Variants in HSDL2 observed in about 807,000 individuals in gnomAD.
HSDL2 encodes the protein hydroxysteroid dehydrogenase-like protein 2.
Under a neutral mutation model 46.3 loss-of-function variants are expected in HSDL2, and 27 were observed. The ratio of observed to expected loss-of-function variants is 0.58; its 90% confidence interval spans 0.43 to 0.80. The LOEUF (loss-of-function observed/expected upper bound fraction) is 0.80, where lower values mean the gene tolerates loss of function less well. Ranked by LOEUF, HSDL2 falls within the 30% of genes least tolerant of loss-of-function variation. The probability of loss-of-function intolerance (pLI) is 0.00; values close to 1 mark genes in which losing one functional copy is unlikely to be tolerated. For missense variants in HSDL2, 451 were observed against 502.7 expected (o/e 0.90, Z 0.98); for synonymous variants, 153 against 163.6 (o/e 0.94, Z 0.50).
intron 1 of HSDL2, 84 bp downstream of exon 1, chr9:112,380,264 G>A (rs1404165525): frequency 3.6e-6 from 5 of 1,385,460 alleles, no homozygotes; most frequent in Non-Finnish European, 3.9e-6. Flanking sequence ...CGCCCGGGCT[G>A]GCCGGCCCGG....
intron 1 of HSDL2, among the ~76,000 whole-genome samples, chr9:112,392,905 A>G (rs1300938328): frequency 1.3e-5 from 2 of 152,212 alleles, no homozygotes; most frequent in Non-Finnish European, 2.9e-5. Flanking sequence ...GAACTGATAA[A>G]TGTCCATGAA....
At chr9:112,447,945 T>C (rs1832788545) in intron 8 of HSDL2, among the ~76,000 whole-genome samples, 1 of 152,200 alleles carries the variant, frequency 6.6e-6, no homozygotes, top group Non-Finnish European at 1.5e-5. Flanking sequence ...CATCTAATAG[T>C]TTTTGAGAGA....
chr9:112,393,816 T>C (rs1337174836), intron 1 of HSDL2, among the ~76,000 whole-genome samples: 1 of 152,210 alleles, frequency 6.6e-6, no homozygotes, highest in African/African-American at 2.4e-5. Context: ...AGTGCATAAA[T>C]GACAATGTAT....
At chr9:112,415,992 C>G (rs1267565834) in intron 4 of HSDL2, among the ~76,000 whole-genome samples, 1 of 151,918 alleles carries the variant, frequency 6.6e-6, no homozygotes, top group African/African-American at 2.4e-5. Context: ...CCTTGTAGTC[C>G]CAGCTACTCA....
At chr9:112,400,662 C>G (rs938763268) in intron 1 of HSDL2, among the ~76,000 whole-genome samples, 8 of 152,190 alleles carry the variant, frequency 5.3e-5, no homozygotes, top group Non-Finnish European at 8.8e-5. Context: ...AATGGATGCT[C>G]TCACTGTTCT....
chr9:112,418,351 G>A (rs1832041365), intron 5 of HSDL2, among the ~76,000 whole-genome samples: 2 of 152,068 alleles, frequency 1.3e-5, no homozygotes, highest in African/African-American at 4.8e-5. Context: ...GGGAGGCTAA[G>A]GCAGGTGGAT....
chr9:112,420,516 A>AAC (rs1554711434), intron 6 of HSDL2, among the ~76,000 whole-genome samples: 5 of 150,884 alleles, frequency 3.3e-5, no homozygotes, highest in Admixed American at 1.3e-4. Context: ...TAAAAAAAAA[A>AAC]ACACACACAA....
chr9:112,429,134 G>A (rs1318802778), intron 6 of HSDL2, among the ~76,000 whole-genome samples: 1 of 152,202 alleles, frequency 6.6e-6, no homozygotes, highest in Non-Finnish European at 1.5e-5. Flanking sequence ...CCTGACCTTA[G>A]GAGATCTGCC....
rs1233547450 is a variant in HSDL2 at position 112,380,114 on chromosome 9, C to T, written c.-50C>T. On this transcript the variant is annotated 5_prime_UTR_variant, in exon 1 of 11. Transcript: ENST00000398805. ...GGAGGGACGGTCCAGCTTTAGCTCTCTGCTCGCCGCCGCCGCTGTCGCCGC... is the reference window on the plus strand; with the variant it reads ...GGAGGGACGGTCCAGCTTTAGCTCTTTGCTCGCCGCCGCCGCTGTCGCCGC... The T allele has an allele frequency of 3.9e-6, 6 of 1,520,136 alleles. No homozygotes were observed. The highest frequency in any genetic ancestry group is 1.2e-5 in the South Asian group (1 of 83,812). 94.2% of individuals were successfully genotyped at this position (1,520,136 alleles called of 1,614,324 possible).
At chr9:112,459,620 A>G (rs1304391376) in intron 10 of HSDL2, 43 bp downstream of exon 10, 1 of 1,563,412 alleles carries the variant, frequency 6.4e-7, no homozygotes, top group Non-Finnish European at 8.8e-7. Flanking sequence ...GTTCAGAGAA[A>G]ATTTAGTTCT....
chr9:112,454,001 A>C lies in HSDL2; in HGVS notation c.866-12A>C. On this transcript the variant is annotated splice_polypyrimidine_tract_variant and intron_variant, in intron 8 of 10. Coordinates refer to ENST00000398805, the MANE Select transcript of HSDL2 (RefSeq NM_032303.5). ...AAGCATTAAGGTCATTTGCTTCAATAATATCTTATAGGTGCTGTTCCAGAA... is the reference window on the plus strand; with the variant it reads ...AAGCATTAAGGTCATTTGCTTCAATCATATCTTATAGGTGCTGTTCCAGAA... The C allele has an allele frequency of 6.2e-7, 1 of 1,609,744 alleles. No individual in the cohort carries two copies. The highest frequency in any genetic ancestry group is 8.5e-7 in the Non-Finnish European group (1 of 1,178,474).
At chr9:112,463,974 A>C (rs977920724) in intron 10 of HSDL2, among the ~76,000 whole-genome samples, 1 of 151,918 alleles carries the variant, frequency 6.6e-6, no homozygotes, top group Non-Finnish European at 1.5e-5. Context: ...TGTGGTTTTA[A>C]TTTGTATTTT....
intron 6 of HSDL2, among the ~76,000 whole-genome samples, chr9:112,419,436 C>A (rs1832069889): frequency 6.6e-6 from 1 of 152,178 alleles, no homozygotes; most frequent in Admixed American, 6.5e-5. Context: ...CCTTTTCAAT[C>A]ATCTTCCTGC....
chr9:112,420,149 T>C (rs922248098), intron 6 of HSDL2, among the ~76,000 whole-genome samples: 2 of 152,058 alleles, frequency 1.3e-5, no homozygotes, highest in Non-Finnish European at 2.9e-5. Context: ...GAGACAAGCC[T>C]GGGTAGCATG....
intron 6 of HSDL2, among the ~76,000 whole-genome samples, chr9:112,421,258 T>C (rs1405662125): frequency 6.6e-6 from 1 of 152,154 alleles, no homozygotes; most frequent in Non-Finnish European, 1.5e-5. Context: ...GCCCTGGAGA[T>C]TAAGGCTGTA....
chr9:112,402,363 C>A (rs989907531), intron 1 of HSDL2, among the ~76,000 whole-genome samples: 2 of 152,006 alleles, frequency 1.3e-5, no homozygotes, highest in African/African-American at 4.8e-5. Context: ...TTGAGACCTG[C>A]CTGGGTAACA....
chr9:112,470,921 TA>T lies in HSDL2; in HGVS notation c.*378del, dbSNP rs1319366658. The stretch of plus-strand genomic sequence containing the variant: ...TGAAGCTAGTCTGTTTTAAAATTTT[TA>T]GTTTTGGATTGTATACTAATGAAAA... On this transcript the variant is annotated 3_prime_UTR_variant, in exon 11 of 11. Transcript: ENST00000398805. The T allele has an allele frequency of 6.5e-6, 1 of 154,530 alleles. No homozygotes were observed. The highest frequency in any genetic ancestry group is 1.4e-5 in the Non-Finnish European group (1 of 69,684). The allele number at this position is 154,530 out of a possible 1,614,324, so 9.6% of individuals were successfully genotyped here.
At chr9:112,405,817 T>C in intron 3 of HSDL2, 95 bp downstream of exon 3, 1 of 775,056 alleles carries the variant, frequency 1.3e-6, no homozygotes, top group Non-Finnish European at 2.1e-6. Context: ...TTTTGAATTT[T>C]CTGAGTCTTT....
At chr9:112,380,330 G>T (rs1334522619) in intron 1 of HSDL2, 150 bp downstream of exon 1, 5 of 684,738 alleles carry the variant, frequency 7.3e-6, no homozygotes, top group African/African-American at 3.8e-5. Flanking sequence ...TCCGCGCTGG[G>T]CACTGTGCAC....
Sources: gnomAD v4.1 joint callset for allele counts (sites outside exome capture counted in the v4.1 genomes callset) on GRCh38, gnomAD v4.1.1 for gene constraint, MANE v1.5 for transcripts, NCBI Gene and HGNC (gene_info 2026-07-23, HGNC 2026-07-21) for gene names.